SYN3: variants seen among roughly 807,000 people sequenced by gnomAD.
SYN3 encodes synapsin III.
SYN3 carries 35 observed loss-of-function variants against 65.8 expected under a neutral mutation model. The observed-to-expected ratio is 0.53, with a 90% CI of 0.41 to 0.70. The LOEUF is 0.70. Among genes scored for constraint, SYN3 ranks in the 30% least tolerant of loss-of-function variants. The probability of loss-of-function intolerance (pLI) is 0.00; values close to 1 mark genes in which losing one functional copy is unlikely to be tolerated. For synonymous variants in SYN3, 270 were observed against 292.9 expected, an observed-to-expected ratio of 0.92 and a Z score of 0.80; for missense variants, 680 against 749.0, an observed-to-expected ratio of 0.91 and a Z score of 1.08.
chr22:32,653,972 G>T (rs1189491862), intron 6 of SYN3, among the ~76,000 whole-genome samples: 2 of 152,186 alleles, frequency 1.3e-5, no homozygotes, highest in African/African-American at 2.4e-5. Context: ...TGCACCATTA[G>T]TTCCTGCCTG....
intron 6 of SYN3, among the ~76,000 whole-genome samples, chr22:32,766,038 T>C (rs1443069206): frequency 5.3e-5 from 8 of 152,118 alleles, no homozygotes; most frequent in African/African-American, 1.9e-4. Flanking sequence ...TTGTTGTTCA[T>C]TTGTTTGGTT....
At chr22:32,833,805 G>A (rs1319739105) in intron 6 of SYN3, 1 of 500,272 alleles carries the variant, frequency 2.0e-6, no homozygotes, top group Non-Finnish European at 4.0e-6. Context: ...TAGGGCCCTA[G>A]TGAGGCTCAA....
intron 3 of SYN3, among the ~76,000 whole-genome samples, chr22:32,946,384 C>G (rs866734908): frequency 6.6e-6 from 1 of 152,124 alleles, no homozygotes; most frequent in African/African-American, 2.4e-5. Context: ...GAGTTCGTGT[C>G]CTTTGTAGGG....
At chr22:32,813,603 A>G (rs1015036852) in intron 6 of SYN3, among the ~76,000 whole-genome samples, 8 of 151,626 alleles carry the variant, frequency 5.3e-5, no homozygotes, top group African/African-American at 1.9e-4. Context: ...TGTGATCTGG[A>G]ATCCATTTTA....
intron 4 of SYN3, among the ~76,000 whole-genome samples, chr22:32,900,921 C>T (rs933214108): frequency 3.3e-5 from 5 of 152,168 alleles, no homozygotes; most frequent in East Asian, 1.9e-4. Flanking sequence ...AGCTACATGA[C>T]GGCAGCGGAA....
intron 6 of SYN3, among the ~76,000 whole-genome samples, chr22:32,803,238 T>C (rs1003017161): frequency 1.3e-5 from 2 of 151,850 alleles, no homozygotes; most frequent in African/African-American, 4.8e-5. Context: ...AGGTGAAGAA[T>C]GGAGCGTGTG....
rs1297558524 is a variant in SYN3, at chr22:32,538,006, GCCTCTCCCTACA to G, written c.992+18_992+29del. The G allele has an allele frequency of 3.1e-6, 5 of 1,603,522 alleles. No homozygotes were observed. The South Asian group carries it at 5.5e-5, about 18-fold the overall frequency. On this transcript the variant is annotated intron_variant, in intron 9 of 13. Coordinates refer to ENST00000358763, the MANE Select transcript of SYN3 (RefSeq NM_003490.4). The stretch of plus-strand genomic sequence containing the variant: ...CCCTTCAGCTCCTACTATGGCCAGT[GCCTCTCCCTACA>G]CCTCCTTTGTCTCTTACCTCTCTGT...
At chr22:32,849,518 C>A (rs778168108) in intron 6 of SYN3, 1 of 1,613,462 alleles carries the variant, frequency 6.2e-7, no homozygotes, top group Non-Finnish European at 8.5e-7. Flanking sequence ...CTGGTCTACA[C>A]CATCAAGCAG....
At chr22:33,037,409 C>A (rs149896561) in intron 1 of SYN3, among the ~76,000 whole-genome samples, 207 of 152,296 alleles carry the variant, frequency 1.4e-3, no homozygotes, top group Non-Finnish European at 2.6e-3. Flanking sequence ...AGGTGCCTAT[C>A]TTGATTCTCA....
chr22:33,024,045 G>A (rs1197689722), intron 1 of SYN3, among the ~76,000 whole-genome samples: 2 of 152,148 alleles, frequency 1.3e-5, no homozygotes, highest in Admixed American at 1.3e-4. Flanking sequence ...CCTGAGCAAG[G>A]AAGGCACTCT....
intron 1 of SYN3, among the ~76,000 whole-genome samples, chr22:33,011,280 T>G (rs1346118506): frequency 2.6e-5 from 4 of 152,188 alleles, no homozygotes. Context: ...TTCTTATCAT[T>G]TGGGAGTTGA....
chr22:32,808,654 A>T lies in SYN3; in HGVS notation c.711+56261T>A, dbSNP rs1198949862. Among the ~76,000 whole-genome samples, 3 of 152,282 alleles carry T rather than the reference A, an allele frequency of 2.0e-5. No individual in the cohort carries two copies. The East Asian group carries it at 5.8e-4, about 29-fold the overall frequency. On this transcript the variant is annotated intron_variant, in intron 6 of 13. Coordinates refer to ENST00000358763, the MANE Select transcript of SYN3 (RefSeq NM_003490.4). ...ACTCTGTCTCTCTGGCTCTTGGCCC[A>T]TGACACCCCCTCGGTTTTGAACAGT...
chr22:32,959,351 T>G (rs1342651377), intron 3 of SYN3, among the ~76,000 whole-genome samples: 2 of 152,012 alleles, frequency 1.3e-5, no homozygotes, highest in Non-Finnish European at 2.9e-5. Flanking sequence ...TTCTTTGTTC[T>G]GTAAATTGCC....
chr22:32,590,281 T>C (rs966968705), intron 7 of SYN3, among the ~76,000 whole-genome samples: 1 of 152,260 alleles, frequency 6.6e-6, no homozygotes, highest in African/African-American at 2.4e-5. Flanking sequence ...TTAAATTTTA[T>C]ATAAATGGAA....
chr22:32,810,093 T>TATTG (rs2046876246), intron 6 of SYN3, among the ~76,000 whole-genome samples: 1 of 152,204 alleles, frequency 6.6e-6, no homozygotes, highest in Non-Finnish European at 1.5e-5. Context: ...GTACACAAAG[T>TATTG]ATTGATTCTA....
In SYN3 at chr22:32,668,215, G is replaced by A. The variant is rs1004120398; in HGVS notation, c.712-71479C>T. On this transcript the variant is annotated intron_variant, in intron 6 of 13. Transcript: ENST00000358763. ...AGATGCAGAAGTAGAAAGTATACAT[G>A]AAGAGTGTAAATTAGGTTTTACTTT... is the stretch of plus-strand genomic sequence containing the variant. 6.5e-3 allele frequency among the ~76,000 whole-genome samples: 990 copies of A among 152,336 alleles called. 14 individuals carry two copies. Among genetic ancestry groups the A allele is most frequent in the African/African-American group, 0.022 (914 of 41,568 alleles).
At position 32,811,124 on chromosome 22, in the gene SYN3, G is replaced by A. The variant is rs1006022965; in HGVS notation, c.711+53791C>T. ...AAAGGGCACTGGGTTAGGAGGTAAG[G>A]CTTGGTTATGTTAGGATCCCAGAAC... On this transcript the variant is annotated intron_variant, in intron 6 of 13. Coordinates refer to ENST00000358763, the MANE Select transcript of SYN3 (RefSeq NM_003490.4). 2.6e-5 allele frequency among the ~76,000 whole-genome samples: 4 copies of A among 152,200 alleles called. No individual in the cohort carries two copies. The East Asian group carries it at 5.8e-4, about 22-fold the overall frequency.
chr22:32,846,005 C>A (rs564537940), intron 6 of SYN3, among the ~76,000 whole-genome samples: 1 of 152,198 alleles, frequency 6.6e-6, no homozygotes, highest in Non-Finnish European at 1.5e-5. Context: ...GGTTGGCCAG[C>A]AATTCTACTT....
chr22:32,556,562 G>C (rs549003891), intron 7 of SYN3, among the ~76,000 whole-genome samples: 1 of 152,282 alleles, frequency 6.6e-6, no homozygotes, highest in South Asian at 2.1e-4. Context: ...CCATGAGTCT[G>C]TGGCGCTCCA....
Sources: gnomAD v4.1 joint callset for allele counts (sites outside exome capture counted in the v4.1 genomes callset) on GRCh38, gnomAD v4.1.1 for gene constraint, MANE v1.5 for transcripts, NCBI Gene and HGNC (gene_info 2026-07-23, HGNC 2026-07-21) for gene names.